Variants in CC2D2B observed in about 807,000 individuals in gnomAD.
The protein encoded by CC2D2B is protein CC2D2B.
In CC2D2B, 128 loss-of-function variants were observed where a neutral mutation model predicts 161.2. The observed-to-expected ratio is 0.79, with a 90% confidence interval of 0.69 to 0.92. The LOEUF is 0.92. Among genes scored for constraint, CC2D2B ranks in the 40% least tolerant of loss-of-function variants. The probability of loss-of-function intolerance (pLI) is 0.00; values close to 1 mark genes in which losing one functional copy is unlikely to be tolerated. For synonymous variants in CC2D2B, 391 were observed against 449.8 expected (o/e 0.87, Z 1.65); for missense variants, 1,173 against 1,375.1 (o/e 0.85, Z 2.32).
intron 34 of CC2D2B, among the ~76,000 whole-genome samples, chr10:96,029,549 CCT>C (rs1429949664): frequency 1.3e-5 from 2 of 151,212 alleles, no homozygotes; most frequent in Non-Finnish European, 2.9e-5. Flanking sequence ...AGATCAATTC[CCT>C]GTTATTTGTT....
intron 16 of CC2D2B, among the ~76,000 whole-genome samples, chr10:95,973,003 T>G (rs779328456): frequency 6.6e-6 from 1 of 152,138 alleles, no homozygotes; most frequent in Admixed American, 6.5e-5. Context: ...TACGGTTAAA[T>G]GTAAGTTAGT....
chr10:95,960,818 A>C (rs938725045), intron 11 of CC2D2B, among the ~76,000 whole-genome samples: 1 of 152,106 alleles, frequency 6.6e-6, no homozygotes, highest in African/African-American at 2.4e-5. Context: ...CAGCCTTGAA[A>C]TGCATATTTT....
intron 9 of CC2D2B, among the ~76,000 whole-genome samples, chr10:95,940,300 T>C (rs1032790470): frequency 1.1e-4 from 16 of 152,208 alleles, no homozygotes; most frequent in East Asian, 3.9e-4. Flanking sequence ...ACCTCCAACA[T>C]TGGGGGTTAC....
chr10:95,929,393 A>G (rs1003276488), intron 6 of CC2D2B, among the ~76,000 whole-genome samples: 1 of 152,052 alleles, frequency 6.6e-6, no homozygotes, highest in Non-Finnish European at 1.5e-5. Flanking sequence ...GAAGCTCTTT[A>G]GTTTAATTAG....
In CC2D2B at chr10:95,972,181, A is replaced by C. The variant is rs2077159241; in HGVS notation, c.1760A>C (p.Lys587Thr). 2 of 1,231,966 alleles carry C rather than the reference A, an allele frequency of 1.6e-6. No homozygotes were observed. The highest frequency in any genetic ancestry group is 3.1e-5 in the African/African-American group (2 of 64,424). The allele number at this position is 1,231,966 out of a possible 1,614,324, so 76.3% of individuals were successfully genotyped here. Residue 587 changes from lysine to threonine, a missense_variant, in exon 16 of 35, where the codon AAG becomes ACG. Around this residue, in one of 3 missense-constraint regions of CC2D2B, gnomAD observed 277 missense variants for 420.6 expected, o/e 0.66. Coordinates refer to ENST00000646931, the MANE Select transcript of CC2D2B (RefSeq NM_001349008.3). ...CAATATGTAGAGTTTAGCTCTGATA[A>C]GCTGGTCATGCCTGCCGATGGAGAA... ...ALQYVEFSSD[K>T]LVMPADGEVG...
Position 95,988,255 on chromosome 10 carries a change from T to G in CC2D2B, c.2292T>G (p.Tyr764Ter), listed in dbSNP as rs1590759931. Residue 764 changes from tyrosine (Y) to a stop codon, truncating the protein, a stop_gained, in exon 20 of 35, where the codon TAT becomes TAG. Coordinates refer to ENST00000646931, the MANE Select transcript of CC2D2B (RefSeq NM_001349008.3). LOFTEE classifies it high-confidence loss of function. The stretch of plus-strand genomic sequence containing the variant: ...ACTAACAATTCTGTATTTAGGAGTA[T>G]GAAAGTCAGAAAGAGAAGGAGGTAT... ...TEIPDLVFQEYESQKEKEVSV... is the reference protein window; with the variant it reads ...TEIPDLVFQE 2.5e-6 allele frequency: 3 copies of G among 1,197,872 alleles called. No homozygotes were observed. The highest frequency in any genetic ancestry group is 3.1e-6 in the Non-Finnish European group (3 of 955,180). The allele number at this position is 1,197,872 out of a possible 1,614,324, so 74.2% of individuals were successfully genotyped here.
At chr10:95,988,051 C>A (rs1268621194) in intron 19 of CC2D2B, among the ~76,000 whole-genome samples, 199 bp from the exon 20 acceptor site, 1 of 152,152 alleles carries the variant, frequency 6.6e-6, no homozygotes, top group Non-Finnish European at 1.5e-5. Flanking sequence ...CAATCTAGAC[C>A]CAAACAGAAT....
rs2079371169 is a variant in CC2D2B, at chr10:96,019,728, T to C, written c.3792T>C (p.Asn1264=). ...RNVWFNIQQN[N]TPMAVFFDYS... ...TCTGGTTTAATATTCAACAAAATAA[T>C]ACACCAATGGCTGTATTTTTTGACT... The change falls in exon 32 of 35, where the codon AAT becomes AAC. Residue 1264 remains asparagine, a synonymous_variant. Coordinates refer to ENST00000646931, the MANE Select transcript of CC2D2B (RefSeq NM_001349008.3). 1 of 1,598,372 alleles carries C rather than the reference T, an allele frequency of 6.3e-7. No individual in the cohort carries two copies. The highest frequency in any genetic ancestry group is 1.4e-5 in the African/African-American group (1 of 73,774).
chr10:95,989,550 G>T (rs1181726867), intron 20 of CC2D2B, among the ~76,000 whole-genome samples: 1 of 152,166 alleles, frequency 6.6e-6, no homozygotes, highest in Non-Finnish European at 1.5e-5. Flanking sequence ...ATAAAGAAGT[G>T]TTCTTGCTTA....
Position 95,947,078 on chromosome 10 carries a change from C to CAAAAAAAAAAAAAA in CC2D2B, c.802-2813_802-2812insAAAAAAAAAAAAAA, listed in dbSNP as rs368168752. On this transcript the variant is annotated intron_variant, in intron 9 of 34. Coordinates refer to ENST00000646931, the MANE Select transcript of CC2D2B (RefSeq NM_001349008.3). The stretch of plus-strand genomic sequence containing the variant: ...GTGCATAAATTCCAAATAGTGGACT[C>CAAAAAAAAAAAAAA]AAAAATATATATATATATATATATA... Among the ~76,000 whole-genome samples the CAAAAAAAAAAAAAA allele has an allele frequency of 4.3e-3, 224 of 51,622 alleles. 12 individuals are homozygous for CAAAAAAAAAAAAAA. The highest frequency in any genetic ancestry group is 0.011 in the Admixed American group (47 of 4,344). The allele number at this position is 51,622 out of a possible 152,430, so 33.9% of individuals were successfully genotyped here.
intron 9 of CC2D2B, among the ~76,000 whole-genome samples, chr10:95,944,972 A>G (rs555573964): frequency 6.6e-6 from 1 of 152,344 alleles, no homozygotes; most frequent in Non-Finnish European, 1.5e-5. Flanking sequence ...TTAGGCCATT[A>G]AGGCCCCTCC....
At chr10:95,971,795 ATTATG>A (rs1564629553) in intron 15 of CC2D2B, among the ~76,000 whole-genome samples, 3 of 152,064 alleles carry the variant, frequency 2.0e-5, no homozygotes, top group East Asian at 1.9e-4. Context: ...TTGCTATGAT[ATTATG>A]TTATATGTAC....
intron 17 of CC2D2B, among the ~76,000 whole-genome samples, chr10:95,980,481 ATTTAAGC>A (rs2077475106): frequency 6.6e-6 from 1 of 152,148 alleles, no homozygotes; most frequent in Non-Finnish European, 1.5e-5. Context: ...ATTCGTTAAG[ATTTAAGC>A]TTTACCTGAG....
chr10:96,001,619 G>T (rs1196712461), intron 24 of CC2D2B, among the ~76,000 whole-genome samples: 1 of 152,164 alleles, frequency 6.6e-6, no homozygotes, highest in Non-Finnish European at 1.5e-5. Flanking sequence ...AACAGGATTT[G>T]CAAGGAAAGG....
At chr10:95,912,492 A>C (rs2098508130) in intron 2 of CC2D2B, among the ~76,000 whole-genome samples, 1 of 152,140 alleles carries the variant, frequency 6.6e-6, no homozygotes, top group South Asian at 2.1e-4. Context: ...TTTGGAATGT[A>C]CCCAACATTT....
chr10:96,024,103 G>A (rs971867599), intron 32 of CC2D2B, among the ~76,000 whole-genome samples: 1 of 152,222 alleles, frequency 6.6e-6, no homozygotes, highest in African/African-American at 2.4e-5. Flanking sequence ...AGGAGTTGAG[G>A]GTTGGGTTGG....
intron 12 of CC2D2B, 62 bp from the exon 13 acceptor site, chr10:95,965,834 C>T (rs538871049): frequency 5.4e-5 from 29 of 533,922 alleles, no homozygotes; most frequent in Admixed American, 3.7e-4. Context: ...GGCAAAATCT[C>T]GAACAACTCT....
intron 20 of CC2D2B, 112 bp downstream of exon 20, chr10:95,988,454 C>A (rs913487073): frequency 7.4e-5 from 31 of 417,918 alleles, no homozygotes; most frequent in Non-Finnish European, 1.2e-4. Context: ...TCCACTCACT[C>A]GTCACCTCTT....
At chr10:95,984,106 A>G (rs2077627722) in intron 19 of CC2D2B, among the ~76,000 whole-genome samples, 1 of 152,190 alleles carries the variant, frequency 6.6e-6, no homozygotes, top group Non-Finnish European at 1.5e-5. Flanking sequence ...TGTATCACCA[A>G]TTTAAAAGCG....
Sources: gnomAD v4.1 joint callset for allele counts (sites outside exome capture counted in the v4.1 genomes callset) on GRCh38, gnomAD v4.1.1 for gene constraint, gnomAD v4.1.1 regional missense constraint, MANE v1.5 for transcripts, NCBI Gene and HGNC (gene_info 2026-07-23, HGNC 2026-07-21) for gene names.